The following ATP6V0A2 variants were observed in gnomAD, a reference collection of about 807,000 sequenced individuals.
ATP6V0A2 encodes the protein V-type proton ATPase 116 kDa subunit a 2.
Under a neutral mutation model 104.4 loss-of-function variants are expected in ATP6V0A2, and 58 were observed. The ratio of observed to expected loss-of-function variants is 0.56; its 90% CI spans 0.45 to 0.69. ATP6V0A2 has a LOEUF of 0.69. Ranked by LOEUF, ATP6V0A2 falls within the 30% of genes least tolerant of loss-of-function variation. The probability of loss-of-function intolerance (pLI) is 0.00; values close to 1 mark genes in which losing one functional copy is unlikely to be tolerated. For synonymous variants in ATP6V0A2, 376 were observed against 397.9 expected, an observed-to-expected ratio of 0.95 and a Z score of 0.65; for missense variants, 938 against 1,062.9, an observed-to-expected ratio of 0.88 and a Z score of 1.63.
Position 123,754,437 on chromosome 12 carries a change from A to G in ATP6V0A2, c.2193A>G (p.Ile731Met), listed in dbSNP as rs757336591. 6.2e-6 allele frequency: 10 copies of G among 1,613,016 alleles called. No individual in the cohort carries two copies. In the Admixed American group the frequency reaches 1.5e-4, roughly 24 times the overall value. Reference sequence around the variant, plus strand: ...TCTCTCAGTTTAATTTTGGAGAAATATTAATGACCCAAGTAATCCATTCCA... The same window carrying G: ...TCTCTCAGTTTAATTTTGGAGAAATGTTAATGACCCAAGTAATCCATTCCA... ...MACEEFNFGE[I>M]LMTQVIHSIE... The change falls in exon 18 of 20, where the codon ATA (isoleucine) becomes ATG (methionine). Residue 731 changes from isoleucine (I) to methionine (M), a missense_variant. Physicochemically the swap from Ile to Met is conservative, Grantham distance 10. Coordinates refer to ENST00000330342, the MANE Select transcript of ATP6V0A2 (RefSeq NM_012463.4).
chr12:123,727,602 A>T (rs1278138518), intron 5 of ATP6V0A2, among the ~76,000 whole-genome samples, 181 bp from the exon 6 acceptor site: 2 of 152,168 alleles, frequency 1.3e-5, no homozygotes, highest in African/African-American at 4.8e-5. Context: ...TTACAAGCTC[A>T]TCTCTACCTT....
In ATP6V0A2 at chr12:123,758,038, T is replaced by C. The variant is rs1353833981; in HGVS notation, c.*6T>C. 1 of 1,572,254 alleles carries C rather than the reference T, an allele frequency of 6.4e-7. No homozygotes were observed. Among genetic ancestry groups the C allele is most frequent in the African/African-American group, 1.3e-5 (1 of 74,106 alleles). On this transcript the variant is annotated 3_prime_UTR_variant, in exon 20 of 20. Coordinates refer to ENST00000330342, the MANE Select transcript of ATP6V0A2 (RefSeq NM_012463.4). ...ACGACGACAGTGTGGCATGATCATA[T>C]TGCTGTAACCAACAAGCTTTCAGAT... is the stretch of plus-strand genomic sequence containing the variant.
In ATP6V0A2 at chr12:123,724,605, C is replaced by A. The variant is rs369326771; in HGVS notation, c.295-49C>A. 3.8e-6 allele frequency: 6 copies of A among 1,592,196 alleles called. No homozygotes were observed. In the African/African-American group the frequency reaches 5.4e-5, roughly 14 times the overall value. On this transcript the variant is annotated intron_variant, in intron 3 of 19. Transcript: ENST00000330342. Reference sequence around the variant, plus strand: ...TACTGCATGAAGATTATTGGAATTACACTTGGAACTAATTACTACCCTCTT... The same window carrying A: ...TACTGCATGAAGATTATTGGAATTAAACTTGGAACTAATTACTACCCTCTT...
intron 1 of ATP6V0A2, among the ~76,000 whole-genome samples, chr12:123,717,229 C>T (rs988862354): frequency 5.4e-5 from 8 of 148,514 alleles, no homozygotes; most frequent in Non-Finnish European, 7.4e-5. Flanking sequence ...GCAGGAGAAT[C>T]GCTTGAACCT....
In ATP6V0A2 at chr12:123,760,915, T is replaced by A. The variant is rs937037147; in HGVS notation, c.*2883T>A. Reference sequence around the variant, plus strand: ...GCAGTTGTTTATTTAAAAATTTTTTTATTTTTTTTGAGACAGTGTCTCACT... The same window carrying A: ...GCAGTTGTTTATTTAAAAATTTTTTAATTTTTTTTGAGACAGTGTCTCACT... On this transcript the variant is annotated 3_prime_UTR_variant, in exon 20 of 20. Coordinates refer to ENST00000330342, the MANE Select transcript of ATP6V0A2 (RefSeq NM_012463.4). 15 of 152,228 alleles carry A rather than the reference T, an allele frequency of 9.9e-5. No homozygotes were observed. The highest frequency in any genetic ancestry group is 2.2e-4 in the African/African-American group (9 of 41,454). 9.4% of individuals were successfully genotyped at this position (152,228 alleles called of 1,614,324 possible).
At position 123,716,802 on chromosome 12, in the gene ATP6V0A2, AAG is replaced by A. The variant is rs1392452608; in HGVS notation, c.118-1818_118-1817del. ...AGATCCTGTCTCAAAAAAAAAAAAA[AAG>A]AGTTTATAGAGTCATGCATCCATTG... On this transcript the variant is annotated intron_variant, in intron 1 of 19. Coordinates refer to ENST00000330342, the MANE Select transcript of ATP6V0A2 (RefSeq NM_012463.4). Among the ~76,000 whole-genome samples the A allele has an allele frequency of 2.7e-5, 4 of 146,390 alleles. No individual in the cohort carries two copies. In the East Asian group the frequency reaches 5.8e-4, roughly 21 times the overall value.
chr12:123,754,708 T>C (rs1956747313), intron 18 of ATP6V0A2, 171 bp downstream of exon 18: 1 of 626,222 alleles, frequency 1.6e-6, no homozygotes. Context: ...GCTATTTCTT[T>C]TGGCTGAGGA....
At chr12:123,740,840 T>C (rs1956602365) in intron 9 of ATP6V0A2, among the ~76,000 whole-genome samples, 1 of 152,170 alleles carries the variant, frequency 6.6e-6, no homozygotes, top group Non-Finnish European at 1.5e-5. Flanking sequence ...TCTAGTTTTG[T>C]CTTACTTCTG....
chr12:123,754,776 G>A (rs1956747842), intron 18 of ATP6V0A2: 1 of 530,448 alleles, frequency 1.9e-6, no homozygotes. Context: ...TTCAGAGCCT[G>A]CCCAATTTAA....
At chr12:123,755,564 AAAAT>A (rs1311421396) in intron 18 of ATP6V0A2, among the ~76,000 whole-genome samples, 1 of 151,726 alleles carries the variant, frequency 6.6e-6, no homozygotes, top group Non-Finnish European at 1.5e-5. Context: ...AAAAAAAAAA[AAAAT>A]AGGACAATTT....
At chr12:123,717,577 T>C (rs1005409735) in intron 1 of ATP6V0A2, among the ~76,000 whole-genome samples, 1 of 151,768 alleles carries the variant, frequency 6.6e-6, no homozygotes, top group African/African-American at 2.4e-5. Context: ...TCTGAGCAAC[T>C]GGGACCACAG....
chr12:123,743,692 C>CA (rs1956631148), intron 9 of ATP6V0A2, 93 bp from the exon 10 acceptor site: 1 of 1,494,670 alleles, frequency 6.7e-7, no homozygotes, highest in Non-Finnish European at 9.3e-7. Flanking sequence ...CAAAAAAAAC[C>CA]AAAAAACAAA....
Position 123,727,894 on chromosome 12 carries a change from T to C in ATP6V0A2, c.633T>C (p.Leu211=), listed in dbSNP as rs1956463592. The C allele has an allele frequency of 3.1e-6, 5 of 1,614,216 alleles. No homozygotes were observed. The highest frequency in any genetic ancestry group is 3.4e-6 in the Non-Finnish European group (4 of 1,180,044). ...CCTATGCAGAACTGGATGAATCCCT[T>C]GAAGACCCTGAAACAGTGAGTAAAT... is the stretch of plus-strand genomic sequence containing the variant. ...IVSYAELDES[L]EDPETGEVIK... The change falls in exon 6 of 20, where the codon CTT becomes CTC. Residue 211 remains leucine, a synonymous_variant. Transcript: ENST00000330342.
chr12:123,717,746 AATT>A (rs1956358495), intron 1 of ATP6V0A2, among the ~76,000 whole-genome samples: 1 of 151,838 alleles, frequency 6.6e-6, no homozygotes, highest in Non-Finnish European at 1.5e-5. Flanking sequence ...GCCTGGCTAT[AATT>A]TCTTTAACTA....
At chr12:123,735,107 G>T (rs1463832462) in intron 7 of ATP6V0A2, among the ~76,000 whole-genome samples, 6 of 151,978 alleles carry the variant, frequency 3.9e-5, no homozygotes, top group Non-Finnish European at 7.4e-5. Flanking sequence ...AAAGGCAACT[G>T]CTAGGAAGCC....
Position 123,757,917 on chromosome 12 carries a change from T to A in ATP6V0A2, c.2466-10T>A, listed in dbSNP as rs1418021214. ...ATCTTCCATTAATACATGGCTTTTT[T>A]TTTTTTTAGGGTAGAATTTCAGAAC... is the stretch of plus-strand genomic sequence containing the variant. On this transcript the variant is annotated splice_polypyrimidine_tract_variant and intron_variant, in intron 19 of 19. Transcript: ENST00000330342. 1 of 1,556,360 alleles carries A rather than the reference T, an allele frequency of 6.4e-7. No homozygotes were observed. Among genetic ancestry groups the A allele is most frequent in the Non-Finnish European group, 8.8e-7 (1 of 1,140,124 alleles).
chr12:123,718,725 A>C, intron 2 of ATP6V0A2, 24 bp downstream of exon 2: 1 of 1,535,390 alleles, frequency 6.5e-7, no homozygotes, highest in South Asian at 1.1e-5. Context: ...CTGATTTAAC[A>C]ACTTAAATAA....
chr12:123,733,928 G>A lies in ATP6V0A2; in HGVS notation c.651G>A (p.Gly217=). 6.2e-7 allele frequency: 1 copy of A among 1,610,722 alleles called. No individual in the cohort carries two copies. The highest frequency in any genetic ancestry group is 8.5e-7 in the Non-Finnish European group (1 of 1,176,928). The change falls in exon 7 of 20, where the codon GGG becomes GGA. Residue 217 remains glycine (G), a splice_region_variant and synonymous_variant. Transcript: ENST00000330342. Reference sequence around the variant, plus strand: ...TTATCCTTATTCATTCTTTGTAGGGGGAAGTCATAAAATGGTATGTCTTTT... The same window carrying A: ...TTATCCTTATTCATTCTTTGTAGGGAGAAGTCATAAAATGGTATGTCTTTT... The part of the protein sequence containing the change: ...LDESLEDPET[G]EVIKWYVFLI...
intron 5 of ATP6V0A2, among the ~76,000 whole-genome samples, chr12:123,727,071 T>C (rs1346442578): frequency 6.6e-6 from 1 of 152,206 alleles, no homozygotes; most frequent in Non-Finnish European, 1.5e-5. Flanking sequence ...GTAGATTTTT[T>C]TTCTGGTCCA....
Sources: allele counts gnomAD v4.1 joint callset (sites outside exome capture counted in the v4.1 genomes callset), GRCh38; gene constraint gnomAD v4.1.1; transcripts MANE v1.5; gene names NCBI Gene and HGNC (gene_info 2026-07-23, HGNC 2026-07-21).